The following ERAP1 variants were observed in gnomAD, a reference collection of about 807,000 sequenced individuals.
The protein encoded by ERAP1 is adipocyte-derived leucine aminopeptidase.
A neutral mutation model predicts 103.7 loss-of-function variants in ERAP1; 86 were observed. The ratio of observed to expected loss-of-function variants is 0.83; its 90% CI spans 0.70 to 0.99. The LOEUF (loss-of-function observed/expected upper bound fraction) is 0.99. ERAP1 is among the 50% of genes least tolerant of loss of function. The pLI, the probability that ERAP1 is intolerant of heterozygous loss-of-function variation, is 0.00. For missense variants in ERAP1, 1,009 were observed against 1,128.4 expected, an observed-to-expected ratio of 0.89 and a Z score of 1.52; for synonymous variants, 398 against 402.4, an observed-to-expected ratio of 0.99 and a Z score of 0.13.
At chr5:96,819,651 GT>G in the ERAP1 span, among the ~76,000 whole-genome samples, 1 of 152,106 alleles carries the variant, frequency 6.6e-6, no homozygotes, top group Non-Finnish European at 1.5e-5. Context: ...TCCTAGGATT[GT>G]TTTTTTACGT....
At chr5:96,790,194 A>T in intron 10 of ERAP1, 102 bp downstream of exon 10, 10 of 944,006 alleles carry the variant, frequency 1.1e-5, no homozygotes, top group Non-Finnish European at 1.0e-5. Flanking sequence ...AATGAGGGTG[A>T]TATAATCAAG....
the ERAP1 span, among the ~76,000 whole-genome samples, chr5:96,923,901 G>T: frequency 6.6e-6 from 1 of 152,148 alleles, no homozygotes; most frequent in South Asian, 2.1e-4. Context: ...GGGCCCTGAG[G>T]AGAGAAAGAG....
At chr5:96,817,487 A>G in the ERAP1 span, among the ~76,000 whole-genome samples, 1 of 152,356 alleles carries the variant, frequency 6.6e-6, no homozygotes, top group African/African-American at 2.4e-5. Context: ...TTAAAAACTA[A>G]TTTCTATGTT....
At chr5:96,844,756 G>C in the ERAP1 span, among the ~76,000 whole-genome samples, 8 of 152,226 alleles carry the variant, frequency 5.3e-5, no homozygotes, top group Non-Finnish European at 7.3e-5. Flanking sequence ...CTTATCTTCA[G>C]TATTCTGCCC....
chr5:96,894,906 G>T, the ERAP1 span, among the ~76,000 whole-genome samples: 1 of 151,944 alleles, frequency 6.6e-6, no homozygotes, highest in East Asian at 1.9e-4. Flanking sequence ...TTCTTATTGG[G>T]CAGGAAAGAA....
chr5:96,844,855 G>A, the ERAP1 span, among the ~76,000 whole-genome samples: 1 of 152,210 alleles, frequency 6.6e-6, no homozygotes, highest in Non-Finnish European at 1.5e-5. Flanking sequence ...ATGGAAGCTA[G>A]GGTTGTTTAT....
intron 18 of ERAP1, 143 bp from the exon 19 acceptor site, chr5:96,776,694 A>T: frequency 8.3e-7 from 1 of 1,206,074 alleles, no homozygotes; most frequent in Non-Finnish European, 1.1e-6. Context: ...AGGATTATGT[A>T]CACATAAGCT....
At chr5:96,784,212 C>T (rs531377944) in intron 13 of ERAP1, 132 bp from the exon 14 acceptor site, 432 of 939,980 alleles carry the variant, frequency 4.6e-4, no homozygotes, top group African/African-American at 4.5e-3. Context: ...TAGATAACTA[C>T]GGCCGGGCGC....
chr5:96,785,492 C>T, intron 13 of ERAP1: 1 of 404,372 alleles, frequency 2.5e-6, no homozygotes, highest in Non-Finnish European at 4.7e-6. Flanking sequence ...GGGGACAAGG[C>T]AAGGAGTTTC....
chr5:96,765,211 T>C (rs1004548803), intron 19 of ERAP1: 29 of 1,524,684 alleles, frequency 1.9e-5, no homozygotes, highest in African/African-American at 4.1e-5. Context: ...CAGCATTATT[T>C]ACTTTTCAGC....
chr5:96,884,288 G>C, the ERAP1 span, among the ~76,000 whole-genome samples: 11 of 152,276 alleles, frequency 7.2e-5, no homozygotes, highest in East Asian at 1.7e-3. Flanking sequence ...TTAATGGTCT[G>C]AGAATCTTGC....
downstream of ERAP1, chr5:96,770,036 G>T (rs531636087): frequency 6.5e-6 from 1 of 154,262 alleles, no homozygotes; most frequent in Non-Finnish European, 1.4e-5. Context: ...TGGGAGTGCA[G>T]ATATCTTTAT....
At chr5:96,912,580 A>C in the ERAP1 span, 1 of 1,427,660 alleles carries the variant, frequency 7.0e-7, no homozygotes, top group Non-Finnish European at 9.6e-7. Context: ...AATTGTCATA[A>C]GAAAAAAGTT....
chr5:96,935,777 G>A, the ERAP1 span: 1 of 222,314 alleles, frequency 4.5e-6, no homozygotes, highest in African/African-American at 2.3e-5. Flanking sequence ...CCGGGATCGG[G>A]CGGGTCGCAG....
At chr5:96,901,699 T>A in the ERAP1 span, 1 of 1,611,292 alleles carries the variant, frequency 6.2e-7, no homozygotes, top group Non-Finnish European at 8.5e-7. Context: ...CTTTTCTTCT[T>A]TAGGTCTAGC....
the ERAP1 span, among the ~76,000 whole-genome samples, chr5:96,852,028 G>A: frequency 3.9e-5 from 6 of 152,078 alleles, no homozygotes; most frequent in Non-Finnish European, 7.4e-5. Context: ...TGGAGAGAGG[G>A]GCAAATAGCC....
chr5:96,847,442 C>T, the ERAP1 span, among the ~76,000 whole-genome samples: 7,263 of 152,158 alleles, frequency 0.048, 212 homozygotes, highest in South Asian at 0.1. Flanking sequence ...AATTAGGAAA[C>T]ATTGGATTTG....
intron 3 of ERAP1, among the ~76,000 whole-genome samples, chr5:96,800,338 G>A (rs1385039634): frequency 6.6e-6 from 1 of 152,272 alleles, no homozygotes; most frequent in Non-Finnish European, 1.5e-5. Context: ...TATCTATCAT[G>A]ACTTACCTTC....
chr5:96,926,371 G>C, the ERAP1 span, among the ~76,000 whole-genome samples: 16 of 152,190 alleles, frequency 1.1e-4, no homozygotes, highest in African/African-American at 3.9e-4. Flanking sequence ...TTTTAGTATA[G>C]TCACAGGGTT....
Sources: allele counts gnomAD v4.1 joint callset (sites outside exome capture counted in the v4.1 genomes callset), GRCh38; gene constraint gnomAD v4.1.1; transcripts MANE v1.5; gene names NCBI Gene and HGNC (gene_info 2026-07-23, HGNC 2026-07-21).